Variants in RAB4A observed in about 807,000 individuals in gnomAD.
RAB4A encodes ras-related protein Rab-4A.
Under a neutral mutation model 34.5 loss-of-function variants are expected in RAB4A, and 20 were observed. The ratio of observed to expected loss-of-function variants is 0.58; its 90% CI spans 0.41 to 0.84. RAB4A has a LOEUF of 0.84. Ranked by LOEUF, RAB4A falls within the 40% of genes least tolerant of loss-of-function variation. The pLI is 0.00. For missense variants in RAB4A, 228 were observed against 274.5 expected (o/e 0.83, Z 1.20); for synonymous variants, 102 against 100.0 (o/e 1.02, Z -0.12).
At chr1:229,271,534 C>T (rs566112772) in intron 1 of RAB4A, among the ~76,000 whole-genome samples, 164 bp downstream of exon 1, 2 of 147,202 alleles carry the variant, frequency 1.4e-5, no homozygotes, top group South Asian at 2.2e-4. Flanking sequence ...ATGGGGGACG[C>T]GGGCCGCTGG....
intron 1 of RAB4A, among the ~76,000 whole-genome samples, chr1:229,272,165 A>G (rs1278843243): frequency 6.6e-6 from 1 of 151,854 alleles, no homozygotes; most frequent in African/African-American, 2.4e-5. Context: ...AAGAATAAAC[A>G]ACTTGTACTT....
intron 7 of RAB4A, 43 bp downstream of exon 7, chr1:229,303,032 A>C: frequency 1.1e-4 from 154 of 1,370,588 alleles, no homozygotes; most frequent in Non-Finnish European, 1.4e-4. Context: ...TGGCAAGCTC[A>C]AGTGCAGAGG....
intron 5 of RAB4A, among the ~76,000 whole-genome samples, chr1:229,298,041 T>C (rs1437705046): frequency 6.6e-6 from 1 of 152,220 alleles, no homozygotes; most frequent in Non-Finnish European, 1.5e-5. Context: ...ATACTTGGCT[T>C]TTTGGCTTCA....
chr1:229,274,883 CAG>C (rs1656601417), intron 1 of RAB4A, among the ~76,000 whole-genome samples: 1 of 152,146 alleles, frequency 6.6e-6, no homozygotes, highest in Non-Finnish European at 1.5e-5. Flanking sequence ...ACAAATGAAA[CAG>C]AAGAATACAA....
At chr1:229,295,781 C>A in intron 3 of RAB4A, 67 bp from the exon 4 acceptor site, 1 of 1,516,934 alleles carries the variant, frequency 6.6e-7, no homozygotes, top group Non-Finnish European at 9.1e-7. Context: ...GGTGTTTTTT[C>A]ATGGGAAAGT....
rs1657530993 is a variant in RAB4A at position 229,305,661 on chromosome 1, T to A, written c.*1868T>A. On this transcript the variant is annotated 3_prime_UTR_variant, in exon 8 of 8. Coordinates refer to ENST00000366690, the MANE Select transcript of RAB4A (RefSeq NM_004578.4). ...ATTTAGATTTCTAGGAAAGTAATTA[T>A]TCAGTCTTCCTAGAAAAAGATTATA... The A allele has an allele frequency of 1.2e-5, 2 of 160,828 alleles. No homozygotes were observed. The highest frequency in any genetic ancestry group is 1.3e-4 in the Admixed American group (2 of 15,528). 10.0% of individuals were successfully genotyped at this position (160,828 alleles called of 1,614,324 possible). A position where few individuals can be genotyped will look rare whatever the true frequency, so the allele number is the denominator to read the frequency against.
rs377479663 is a variant in RAB4A at position 229,298,970 on chromosome 1, A to G, written c.446-7A>G. Reference sequence around the variant, plus strand: ...CATGACTTTATTTTGTTTGATGTCCATTTTAGAGCTGATGTTTTTGGAAAC... The same window carrying G: ...CATGACTTTATTTTGTTTGATGTCCGTTTTAGAGCTGATGTTTTTGGAAAC... On this transcript the variant is annotated splice_polypyrimidine_tract_variant and splice_region_variant and intron_variant, in intron 5 of 7. Transcript: ENST00000366690. 21 of 1,602,122 alleles carry G rather than the reference A, an allele frequency of 1.3e-5. No homozygotes were observed. The highest frequency in any genetic ancestry group is 1.6e-5 in the Non-Finnish European group (19 of 1,173,490).
intron 6 of RAB4A, among the ~76,000 whole-genome samples, chr1:229,300,297 A>G (rs1657347361): frequency 1.3e-5 from 2 of 152,192 alleles, no homozygotes; most frequent in African/African-American, 2.4e-5. Flanking sequence ...GACTTGAGAT[A>G]AGTCATGTAT....
At chr1:229,289,784 C>G (rs977634119) in intron 3 of RAB4A, among the ~76,000 whole-genome samples, 1 of 152,156 alleles carries the variant, frequency 6.6e-6, no homozygotes, top group African/African-American at 2.4e-5. Context: ...CCATTGTACT[C>G]CAGCCTGGGC....
rs757792713 is a variant in RAB4A, at chr1:229,288,850, T to A, written c.227+7T>A. ...CAGGACAAGAACGATTCAGGTAGCT[T>A]TTCTCTAACTTAATAAAAATATTTG... is the stretch of plus-strand genomic sequence containing the variant. On this transcript the variant is annotated splice_region_variant and intron_variant, in intron 3 of 7. Transcript: ENST00000366690. 1.4e-6 allele frequency: 2 copies of A among 1,388,548 alleles called. No homozygotes were observed. The allele number at this position is 1,388,548 out of a possible 1,614,324, so 86.0% of individuals were successfully genotyped here.
In RAB4A at chr1:229,287,851, A is replaced by C. The variant is rs771945568; in HGVS notation, c.113-878A>C. Among the ~76,000 whole-genome samples the C allele has an allele frequency of 3.9e-5, 6 of 152,328 alleles. No homozygotes were observed. The South Asian group carries it at 1.2e-3, about 32-fold the overall frequency. On this transcript the variant is annotated intron_variant, in intron 2 of 7. Coordinates refer to ENST00000366690, the MANE Select transcript of RAB4A (RefSeq NM_004578.4). ...GGCATCCCTGATCTCTGAAACAATT[A>C]AATTTTGTTCTGCAGTTACAAAATA...
chr1:229,298,008 TAGAA>T (rs1657291224), intron 5 of RAB4A, among the ~76,000 whole-genome samples: 1 of 152,280 alleles, frequency 6.6e-6, no homozygotes, highest in East Asian at 1.9e-4. Flanking sequence ...TTAACCCAAA[TAGAA>T]AGGGAAGCGG....
chr1:229,282,310 A>C (rs1656799011), intron 1 of RAB4A, among the ~76,000 whole-genome samples: 1 of 152,074 alleles, frequency 6.6e-6, no homozygotes, highest in Non-Finnish European at 1.5e-5. Context: ...TGTTATTCGA[A>C]TTGTATTTCC....
chr1:229,297,864 A>G (rs1248146757), intron 5 of RAB4A, among the ~76,000 whole-genome samples: 1 of 152,240 alleles, frequency 6.6e-6, no homozygotes, highest in Admixed American at 6.5e-5. Flanking sequence ...TAGTAACATT[A>G]TGTAATGACT....
intron 2 of RAB4A, among the ~76,000 whole-genome samples, chr1:229,288,310 A>G (rs1379071431): frequency 6.6e-6 from 1 of 152,108 alleles, no homozygotes; most frequent in Non-Finnish European, 1.5e-5. Context: ...TAACCATTCA[A>G]ATACAGTAGT....
At chr1:229,284,232 T>C (rs1656864159) in intron 1 of RAB4A, among the ~76,000 whole-genome samples, 1 of 151,230 alleles carries the variant, frequency 6.6e-6, no homozygotes. Flanking sequence ...CCTGAGTAGC[T>C]GGGATTACAG....
In RAB4A at chr1:229,299,096, CT is replaced by C. The variant is rs761273125; in HGVS notation, c.541+28del. 5 of 1,518,868 alleles carry C rather than the reference CT, an allele frequency of 3.3e-6. No individual in the cohort carries two copies. In the East Asian group the frequency reaches 9.0e-5, roughly 27 times the overall value. The allele number at this position is 1,518,868 out of a possible 1,614,324, so 94.1% of individuals were successfully genotyped here. On this transcript the variant is annotated intron_variant, in intron 6 of 7. Transcript: ENST00000366690. ...AGGTAAAAGCCTTTCCATTAAGCAA[CT>C]TTTCTTCTGCATATTTTACACTGTA...
Position 229,295,903 on chromosome 1 carries a change from A to G in RAB4A, c.283A>G (p.Ile95Val). ...GAAGALLVYD[I>V]TSRETYNALT... is the part of the protein sequence containing the mutation. ...GGCCGGGGCTCTCCTCGTCTATGAT[A>G]TCACCAGGTAATGCCAGCTCCCCCT... is the stretch of plus-strand genomic sequence containing the variant. The change falls in exon 4 of 8, where the codon ATC (isoleucine) becomes GTC (valine). Residue 95 changes from isoleucine to valine, a missense_variant. Transcript: ENST00000366690. 1 of 1,614,116 alleles carries G rather than the reference A, an allele frequency of 6.2e-7. No homozygotes were observed. The highest frequency in any genetic ancestry group is 8.5e-7 in the Non-Finnish European group (1 of 1,180,000).
chr1:229,293,860 G>C (rs985700400), intron 3 of RAB4A, among the ~76,000 whole-genome samples: 1 of 152,200 alleles, frequency 6.6e-6, no homozygotes, highest in African/African-American at 2.4e-5. Context: ...GGGAGTGGCA[G>C]GGGCTGGGAG....
Sources: gnomAD v4.1 joint callset for allele counts (sites outside exome capture counted in the v4.1 genomes callset) on GRCh38, gnomAD v4.1.1 for gene constraint, MANE v1.5 for transcripts, NCBI Gene and HGNC (gene_info 2026-07-23, HGNC 2026-07-21) for gene names.